The following CLIP2 variants were observed in gnomAD, a reference collection of about 807,000 sequenced individuals.
CLIP2 encodes the protein CAP-Gly domain containing linker protein 2, also known as CAP-Gly domain-containing linker protein 2.
A neutral mutation model predicts 111.7 loss-of-function variants in CLIP2; 41 were observed. That is an observed-to-expected ratio of 0.37 (90% CI 0.29 to 0.48). The LOEUF is 0.48. CLIP2 is among the 20% of genes least tolerant of loss of function. The pLI is 0.99. For missense variants in CLIP2, 1,160 were observed against 1,422.1 expected (o/e 0.82, Z 2.96); for synonymous variants, 660 against 644.2 (o/e 1.02, Z -0.37).
chr7:74,314,703 G>A (rs1384424092), intron 1 of CLIP2, among the ~76,000 whole-genome samples: 1 of 152,220 alleles, frequency 6.6e-6, no homozygotes, highest in African/African-American at 2.4e-5. Context: ...CCAGGGCAGA[G>A]GCCGAGTCCT....
chr7:74,356,604 G>T lies in CLIP2; in HGVS notation c.998G>T (p.Arg333Leu). The T allele has an allele frequency of 6.2e-7, 1 of 1,613,692 alleles. No homozygotes were observed. Among genetic ancestry groups the T allele is most frequent in the Non-Finnish European group, 8.5e-7 (1 of 1,179,876 alleles). ...VSSVASSVGGRPSRSGLLTET... is the reference protein window; with the variant it reads ...VSSVASSVGGLPSRSGLLTET... ...TCTGTGGCCTCCTCCGTGGGGGGTC[G>T]GCCCAGCCGCAGTGGCCTGGTGAGG... is the stretch of plus-strand genomic sequence containing the variant. Residue 333 changes from arginine to leucine, a missense_variant, in exon 5 of 17, where the codon CGG (arginine) becomes CTG (leucine). By Grantham distance (102) the Arg-to-Leu change is moderately radical. Around this residue, in one of 5 missense-constraint regions of CLIP2, gnomAD observed 110 missense variants for 185.2 expected, o/e 0.59. Transcript: ENST00000223398.
chr7:74,305,601 C>G (rs571613645), intron 1 of CLIP2, among the ~76,000 whole-genome samples: 30 of 152,344 alleles, frequency 2.0e-4, no homozygotes, highest in African/African-American at 7.2e-4. Context: ...TCAAGTGATT[C>G]TCCTGCCTCA....
intron 2 of CLIP2, among the ~76,000 whole-genome samples, chr7:74,336,351 A>G (rs1363553083): frequency 6.6e-6 from 1 of 152,168 alleles, no homozygotes; most frequent in African/African-American, 2.4e-5. Context: ...TATAGGCGTG[A>G]GCCACCATGC....
intron 1 of CLIP2, among the ~76,000 whole-genome samples, chr7:74,293,305 C>T (rs983151306): frequency 2.0e-5 from 3 of 152,192 alleles, no homozygotes; most frequent in Non-Finnish European, 4.4e-5. Flanking sequence ...AGCTCCTCCT[C>T]TGGCTTTCCT....
Position 74,385,178 on chromosome 7 carries a change from G to A in CLIP2, c.2480-1343G>A, listed in dbSNP as rs1482166396. Among the ~76,000 whole-genome samples the A allele has an allele frequency of 2.7e-5, 4 of 147,974 alleles. No individual in the cohort carries two copies. The East Asian group carries it at 6.0e-4, about 22-fold the overall frequency. Reference sequence around the variant, plus strand: ...GGTGTGGTGATGCATGCCTGTAATCGCAGCTACTCAGGAGGCTGAGGCAAG... The same window carrying A: ...GGTGTGGTGATGCATGCCTGTAATCACAGCTACTCAGGAGGCTGAGGCAAG... On this transcript the variant is annotated intron_variant, in intron 11 of 16. Coordinates refer to ENST00000223398, the MANE Select transcript of CLIP2 (RefSeq NM_003388.5).
chr7:74,357,610 G>A (rs989618335), intron 6 of CLIP2, 133 bp downstream of exon 6: 15 of 750,086 alleles, frequency 2.0e-5, no homozygotes, highest in African/African-American at 5.3e-5. Context: ...CCTGTCCCCC[G>A]CTTTCCAGAG....
chr7:74,387,498 G>A (rs1791147233), intron 12 of CLIP2, among the ~76,000 whole-genome samples: 1 of 152,174 alleles, frequency 6.6e-6, no homozygotes, highest in Non-Finnish European at 1.5e-5. Flanking sequence ...TGATCCACCT[G>A]CCTTGGCCTC....
rs1302343567 is a variant in CLIP2, at chr7:74,386,744, T to G, written c.2563+140T>G. 2.3e-5 allele frequency: 13 copies of G among 570,064 alleles called. No individual in the cohort carries two copies. In the African/African-American group the frequency reaches 2.6e-4, roughly 11 times the overall value. 35.3% of individuals were successfully genotyped at this position (570,064 alleles called of 1,614,324 possible). ...CTGCTTTGAGAAGAAAAGGGCTGGC[T>G]GGTCGCGGTGGCTCGCGCCTGTAAT... On this transcript the variant is annotated intron_variant, in intron 12 of 16. Coordinates refer to ENST00000223398, the MANE Select transcript of CLIP2 (RefSeq NM_003388.5).
intron 13 of CLIP2, among the ~76,000 whole-genome samples, chr7:74,395,174 T>C (rs541764481): frequency 1.3e-5 from 2 of 152,110 alleles, no homozygotes; most frequent in East Asian, 1.9e-4. Context: ...TTTTTTTTTT[T>C]TCTGAGACGG....
intron 8 of CLIP2, among the ~76,000 whole-genome samples, chr7:74,370,155 CAAAA>C (rs536133070): frequency 3.0e-5 from 1 of 32,900 alleles, no homozygotes; most frequent in Non-Finnish European, 6.0e-5. Context: ...GACTCTGCCT[CAAAA>C]AAAAAAAAAA....
chr7:74,372,407 G>A lies in CLIP2; in HGVS notation c.1381-525G>A, dbSNP rs545533880. The stretch of plus-strand genomic sequence containing the variant: ...TGCACTTTTAGCACAGGCCTTGGGG[G>A]GGGGGGGGAGTCGAGCGGGAATCCC... On this transcript the variant is annotated intron_variant, in intron 8 of 16. Transcript: ENST00000223398. Among the ~76,000 whole-genome samples the A allele has an allele frequency of 1.4e-4, 21 of 148,938 alleles. 2 individuals carry two copies. The highest frequency in any genetic ancestry group is 2.4e-4 in the Non-Finnish European group (16 of 66,832).
chr7:74,377,533 G>A (rs2116660117), intron 10 of CLIP2, among the ~76,000 whole-genome samples: 1 of 152,356 alleles, frequency 6.6e-6, no homozygotes, highest in Non-Finnish European at 1.5e-5. Flanking sequence ...CCAGGGCCAG[G>A]AAGGGCCTTT....
chr7:74,336,810 G>A (rs1789475063), intron 2 of CLIP2, among the ~76,000 whole-genome samples: 1 of 151,422 alleles, frequency 6.6e-6, no homozygotes, highest in South Asian at 2.1e-4. Flanking sequence ...TAAGCTCTTA[G>A]CACAGAGTCT....
At chr7:74,314,598 G>T in intron 1 of CLIP2, among the ~76,000 whole-genome samples, 1 of 152,220 alleles carries the variant, frequency 6.6e-6, no homozygotes, top group East Asian at 1.9e-4. Flanking sequence ...GAGATTTCCT[G>T]TGTTTCCGAG....
intron 14 of CLIP2, among the ~76,000 whole-genome samples, chr7:74,398,630 G>A (rs782400384): frequency 2.6e-5 from 4 of 152,206 alleles, no homozygotes; most frequent in Non-Finnish European, 5.9e-5. Flanking sequence ...CAGCGCCACC[G>A]ACCCCCTATA....
intron 3 of CLIP2, among the ~76,000 whole-genome samples, chr7:74,353,425 A>G (rs371953743): frequency 6.6e-6 from 1 of 151,882 alleles, no homozygotes; most frequent in East Asian, 1.9e-4. Context: ...TAATTTTTGT[A>G]TTTATAGTAG....
intron 13 of CLIP2, among the ~76,000 whole-genome samples, chr7:74,394,851 CT>C (rs1369255742): frequency 6.6e-6 from 1 of 152,218 alleles, no homozygotes; most frequent in East Asian, 1.9e-4. Flanking sequence ...CCTCCCTCCC[CT>C]GTCTCCCATC....
intron 14 of CLIP2, among the ~76,000 whole-genome samples, chr7:74,397,669 T>G (rs112782603): frequency 9.3e-5 from 13 of 140,458 alleles, no homozygotes; most frequent in African/African-American, 3.0e-4. Flanking sequence ...TTTTTTTGTT[T>G]TTTTTTTTTT....
intron 10 of CLIP2, among the ~76,000 whole-genome samples, chr7:74,378,296 T>G (rs1386754687): frequency 6.6e-6 from 1 of 151,244 alleles, no homozygotes; most frequent in Non-Finnish European, 1.5e-5. Context: ...CCTGGCTAAT[T>G]TTTATAGTTT....
Sources: allele counts gnomAD v4.1 joint callset (sites outside exome capture counted in the v4.1 genomes callset), GRCh38; gene constraint gnomAD v4.1.1; regional missense constraint gnomAD v4.1.1; transcripts MANE v1.5; gene names NCBI Gene and HGNC (gene_info 2026-07-23, HGNC 2026-07-21).